Variants in CECR2 observed in about 807,000 individuals in gnomAD.
The protein encoded by CECR2 is chromatin remodeling regulator CECR2.
In CECR2, 30 loss-of-function variants were observed where a neutral mutation model predicts 154.5. The observed-to-expected ratio is 0.19, with a 90% CI of 0.15 to 0.26. The LOEUF (loss-of-function observed/expected upper bound fraction) is 0.26. Among genes scored for constraint, CECR2 ranks in the 10% least tolerant of loss-of-function variants. The probability of loss-of-function intolerance (pLI) is 1.00; values close to 1 mark genes in which losing one functional copy is unlikely to be tolerated. For synonymous variants in CECR2, 725 were observed against 683.7 expected (o/e 1.06, Z -0.94); for missense variants, 1,743 against 1,829.3 (o/e 0.95, Z 0.86).
In CECR2 at chr22:17,497,434, A is replaced by G. The variant is rs1237244440; in HGVS notation, c.253A>G (p.Ile85Val). The G allele has an allele frequency of 6.2e-7, 1 of 1,613,874 alleles. No homozygotes were observed. The highest frequency in any genetic ancestry group is 8.5e-7 in the Non-Finnish European group (1 of 1,179,846). The change falls in exon 3 of 19, where the codon ATC (isoleucine) becomes GTC (valine). Residue 85 changes from isoleucine (I) to valine (V), a missense_variant. This residue lies in a region of CECR2 where 98 missense variants were observed against 169.3 expected (regional missense o/e 0.58). Transcript: ENST00000262608. ...GACATTCCACAGCTACCTAGAGGAC[A>G]TCATCAACTACCGCTGGGAGCTCGA... ...PQTFHSYLED[I>V]INYRWELEEG...
intron 8 of CECR2, 50 bp downstream of exon 8, chr22:17,511,946 G>T (rs375479676): frequency 2.2e-6 from 3 of 1,390,950 alleles, no homozygotes; most frequent in East Asian, 2.4e-5. Context: ...TGAAAGAGAC[G>T]GATCCTTTTC....
At chr22:17,480,091 G>A (rs1036400104) in intron 2 of CECR2, among the ~76,000 whole-genome samples, 2 of 151,914 alleles carry the variant, frequency 1.3e-5, no homozygotes, top group Non-Finnish European at 2.9e-5. Context: ...ATAGAATACC[G>A]TATCCCTGTA....
At chr22:17,399,601 A>T (rs2053862200) in intron 1 of CECR2, among the ~76,000 whole-genome samples, 1 of 151,980 alleles carries the variant, frequency 6.6e-6, no homozygotes, top group Admixed American at 6.6e-5. Flanking sequence ...TATTTTTAGT[A>T]GAGACGGGGT....
At chr22:17,428,668 T>C (rs918586864) in intron 1 of CECR2, 9 of 152,140 alleles carry the variant, frequency 5.9e-5, no homozygotes, top group African/African-American at 2.2e-4. Context: ...AATAGAGACA[T>C]GGTCTCCCTA....
Position 17,552,899 on chromosome 22 carries a change from A to G in CECR2, c.*59A>G. 6.5e-7 allele frequency: 1 copy of G among 1,542,496 alleles called. No individual in the cohort carries two copies. The highest frequency in any genetic ancestry group is 2.0e-5 in the Admixed American group (1 of 48,806). On this transcript the variant is annotated 3_prime_UTR_variant, in exon 19 of 19. Transcript: ENST00000262608. ...GCTGCACACGAAGACTGGAATGTGG[A>G]GAACTGGGGAGTGCCCTGTCAGCTC...
intron 1 of CECR2, among the ~76,000 whole-genome samples, chr22:17,416,415 C>T (rs1008160262): frequency 2.6e-5 from 4 of 152,052 alleles, no homozygotes; most frequent in Admixed American, 6.5e-5. Flanking sequence ...TTGCATCCTC[C>T]TCATTAATGC....
intron 1 of CECR2, chr22:17,418,564 T>C (rs1440929668): frequency 1.9e-5 from 3 of 156,134 alleles, no homozygotes; most frequent in African/African-American, 4.8e-5. Context: ...TGTGCAATCA[T>C]GTAACTAACT....
intron 1 of CECR2, among the ~76,000 whole-genome samples, chr22:17,399,479 G>A (rs761141458): frequency 2.0e-5 from 3 of 149,460 alleles, no homozygotes; most frequent in South Asian, 2.1e-4. Context: ...GTGCCGTGGC[G>A]TGATCTCGGC....
chr22:17,532,096 G>A (rs919708397), intron 9 of CECR2, among the ~76,000 whole-genome samples: 1 of 152,102 alleles, frequency 6.6e-6, no homozygotes, highest in Non-Finnish European at 1.5e-5. Flanking sequence ...CTTGAGCCCA[G>A]GAGGTCAAGG....
chr22:17,476,659 G>A (rs1039712285), intron 1 of CECR2, among the ~76,000 whole-genome samples: 2 of 152,176 alleles, frequency 1.3e-5, no homozygotes, highest in African/African-American at 4.8e-5. Flanking sequence ...CAGAAGTTTG[G>A]TTTTTCTGGG....
chr22:17,503,113 G>C lies in CECR2; in HGVS notation c.682G>C (p.Glu228Gln). Residue 228 changes from glutamate to glutamine, a missense_variant, in exon 6 of 19, where the codon GAG (glutamate) becomes CAG (glutamine). By Grantham distance (29) the Glu-to-Gln change is conservative. This residue lies in a region of CECR2 where 292 missense variants were observed against 301.2 expected (regional missense o/e 0.97). Coordinates refer to ENST00000262608, the MANE Select transcript of CECR2 (RefSeq NM_001290047.2). ...EKQEENSLAS[E>Q]PQTRHGSQGP... Reference sequence around the variant, plus strand: ...GCAGGAAGAAAATTCCTTGGCATCCGAGCCACAGACAAGACATGGTAATGT... The same window carrying C: ...GCAGGAAGAAAATTCCTTGGCATCCCAGCCACAGACAAGACATGGTAATGT... 3.1e-6 allele frequency: 5 copies of C among 1,612,426 alleles called. No individual in the cohort carries two copies. Among genetic ancestry groups the C allele is most frequent in the Non-Finnish European group, 4.2e-6 (5 of 1,179,184 alleles).
At chr22:17,439,851 C>T (rs756194108) in intron 1 of CECR2, among the ~76,000 whole-genome samples, 6 of 152,100 alleles carry the variant, frequency 3.9e-5, no homozygotes, top group Admixed American at 6.6e-5. Flanking sequence ...CCGTCATTAG[C>T]GGGGTGGCTG....
At chr22:17,534,917 G>A (rs561554537) in intron 9 of CECR2, among the ~76,000 whole-genome samples, 2 of 149,454 alleles carry the variant, frequency 1.3e-5, no homozygotes, top group East Asian at 2.1e-4. Flanking sequence ...TTGGGAGGTC[G>A]AGGCAGGTGG....
At chr22:17,360,454 G>C (rs1328506711) in intron 1 of CECR2, among the ~76,000 whole-genome samples, 1 of 152,162 alleles carries the variant, frequency 6.6e-6, no homozygotes, top group African/African-American at 2.4e-5. Flanking sequence ...GGCCGAGGCC[G>C]GCAGATCAGT....
At chr22:17,399,275 A>G (rs951547678) in intron 1 of CECR2, among the ~76,000 whole-genome samples, 6 of 152,064 alleles carry the variant, frequency 3.9e-5, no homozygotes, top group African/African-American at 1.4e-4. Context: ...TGTAGACCTC[A>G]GTTTTCTCAT....
chr22:17,414,162 T>TG (rs1365693700), intron 1 of CECR2, among the ~76,000 whole-genome samples: 5 of 148,712 alleles, frequency 3.4e-5, no homozygotes, highest in African/African-American at 7.4e-5. Flanking sequence ...TTAGTAGAGA[T>TG]GGGATTTCAC....
intron 2 of CECR2, among the ~76,000 whole-genome samples, chr22:17,493,085 C>T (rs2055560007): frequency 6.6e-6 from 1 of 152,140 alleles, no homozygotes; most frequent in African/African-American, 2.4e-5. Context: ...GATTCTCCTG[C>T]CTCAGCCTCC....
intron 1 of CECR2, among the ~76,000 whole-genome samples, chr22:17,391,728 CAA>C (rs1213817657): frequency 1.3e-5 from 2 of 152,142 alleles, no homozygotes; most frequent in Non-Finnish European, 2.9e-5. Flanking sequence ...ATTTTGAAAT[CAA>C]AGTATAATGA....
chr22:17,390,751 C>T (rs1173875463), intron 1 of CECR2, among the ~76,000 whole-genome samples: 2 of 152,180 alleles, frequency 1.3e-5, no homozygotes, highest in African/African-American at 2.4e-5. Context: ...GCTTGAATGA[C>T]AGGCGTGAGC....
Sources: allele counts gnomAD v4.1 joint callset (sites outside exome capture counted in the v4.1 genomes callset), GRCh38; gene constraint gnomAD v4.1.1; regional missense constraint gnomAD v4.1.1; transcripts MANE v1.5; gene names NCBI Gene and HGNC (gene_info 2026-07-23, HGNC 2026-07-21).